Variants in EYA4 observed in about 807,000 individuals in gnomAD.
The protein encoded by EYA4 is protein phosphatase EYA4.
A neutral mutation model predicts 87.9 loss-of-function variants in EYA4; 31 were observed. The ratio of observed to expected loss-of-function variants is 0.35; its 90% confidence interval spans 0.27 to 0.48. The LOEUF (loss-of-function observed/expected upper bound fraction) is 0.48, where lower values mean the gene tolerates loss of function less well. EYA4 is among the 20% of genes least tolerant of loss of function. EYA4 has a pLI of 0.99. For synonymous variants in EYA4, 263 were observed against 270.6 expected (o/e 0.97, Z 0.28); for missense variants, 678 against 761.4 (o/e 0.89, Z 1.29).
intron 3 of EYA4, among the ~76,000 whole-genome samples, chr6:133,441,660 A>T (rs1017155082): frequency 6.6e-6 from 1 of 152,072 alleles, no homozygotes; most frequent in South Asian, 2.1e-4. Context: ...GTGGAAAAAA[A>T]TGGTTATCCA....
At chr6:133,448,391 AG>A (rs1301750330) in intron 5 of EYA4, among the ~76,000 whole-genome samples, 2 of 152,174 alleles carry the variant, frequency 1.3e-5, no homozygotes. Context: ...CAGTAGTATT[AG>A]TATTCTTTTC....
chr6:133,315,959 T>A (rs1780589167), intron 2 of EYA4, among the ~76,000 whole-genome samples: 2 of 152,200 alleles, frequency 1.3e-5, no homozygotes, highest in East Asian at 3.9e-4. Flanking sequence ...AGCAGCAAGG[T>A]CTGGCTAATG....
At chr6:133,401,270 A>G (rs887028757) in intron 3 of EYA4, among the ~76,000 whole-genome samples, 2 of 152,242 alleles carry the variant, frequency 1.3e-5, no homozygotes, top group East Asian at 1.9e-4. Context: ...GAGGGATCCA[A>G]AGATTTTGGT....
At chr6:133,244,228 C>G (rs1050756461) in intron 1 of EYA4, among the ~76,000 whole-genome samples, 2 of 152,018 alleles carry the variant, frequency 1.3e-5, no homozygotes, top group Admixed American at 6.6e-5. Context: ...ATTTAAAGAC[C>G]ATTGTAACTA....
chr6:133,516,631 G>A (rs1799622368), intron 17 of EYA4, among the ~76,000 whole-genome samples: 1 of 151,698 alleles, frequency 6.6e-6, no homozygotes, highest in Non-Finnish European at 1.5e-5. Flanking sequence ...GGCTGAGGCA[G>A]GAGAGTTGCT....
chr6:133,509,086 G>A (rs1378644418), intron 14 of EYA4, among the ~76,000 whole-genome samples: 3 of 152,104 alleles, frequency 2.0e-5, no homozygotes, highest in African/African-American at 7.2e-5. Context: ...AAACATAAAT[G>A]ATTTTTACTG....
At position 133,531,027 on chromosome 6, in the gene EYA4, T is replaced by C; in HGVS notation, c.*2222T>C. On this transcript the variant is annotated 3_prime_UTR_variant, in exon 20 of 20. Coordinates refer to ENST00000355286, the MANE Select transcript of EYA4 (RefSeq NM_004100.5). ...TATAGCTGGTTTCTTTAAATGTTGA[T>C]AGAATTGTGGCATTACATCTAAATT... The C allele has an allele frequency of 7.3e-7, 1 of 1,377,934 alleles. No homozygotes were observed. The allele number at this position is 1,377,934 out of a possible 1,614,324, so 85.4% of individuals were successfully genotyped here.
At chr6:133,287,954 C>G (rs552011020) in intron 2 of EYA4, among the ~76,000 whole-genome samples, 2 of 152,146 alleles carry the variant, frequency 1.3e-5, no homozygotes, top group African/African-American at 4.8e-5. Flanking sequence ...CATGGTGAAA[C>G]CCCATCTCTA....
In EYA4 at chr6:133,485,331, G is replaced by A. The variant is rs991822490; in HGVS notation, c.1191+2216G>A. On this transcript the variant is annotated intron_variant, in intron 13 of 19. Transcript: ENST00000355286. ...AAAAGAAGGAGAATACCAAAAGGGT[G>A]GGGCAAAGCGAGGGGAAGAAGGAAA... Among the ~76,000 whole-genome samples the A allele has an allele frequency of 2.0e-5, 3 of 152,256 alleles. 1 individual carries two copies.
chr6:133,399,506 A>C (rs942702495), intron 3 of EYA4, among the ~76,000 whole-genome samples: 1 of 152,188 alleles, frequency 6.6e-6, no homozygotes, highest in African/African-American at 2.4e-5. Context: ...CAATGAGGCT[A>C]CTTATGTTTT....
At position 133,440,402 on chromosome 6, in the gene EYA4, A is replaced by G. The variant is rs559961596; in HGVS notation, c.84-6228A>G. ...AAGGGCACTTCAGGAGTTAACAAAGATAAATGAAAAAGAATCTTGTTATCA... is the reference window on the plus strand; with the variant it reads ...AAGGGCACTTCAGGAGTTAACAAAGGTAAATGAAAAAGAATCTTGTTATCA... On this transcript the variant is annotated intron_variant, in intron 3 of 19. Coordinates refer to ENST00000355286, the MANE Select transcript of EYA4 (RefSeq NM_004100.5). Among the ~76,000 whole-genome samples the G allele has an allele frequency of 6.6e-5, 10 of 152,352 alleles. No individual in the cohort carries two copies. The South Asian group carries it at 2.1e-3, about 32-fold the overall frequency.
At chr6:133,272,782 G>A (rs1442944772) in intron 1 of EYA4, among the ~76,000 whole-genome samples, 1 of 152,180 alleles carries the variant, frequency 6.6e-6, no homozygotes, top group Non-Finnish European at 1.5e-5. Flanking sequence ...TGGACCTGTT[G>A]CAGAGCCTTC....
At chr6:133,267,863 A>G (rs1385331864) in intron 1 of EYA4, among the ~76,000 whole-genome samples, 1 of 152,148 alleles carries the variant, frequency 6.6e-6, no homozygotes, top group Non-Finnish European at 1.5e-5. Flanking sequence ...GAAAGTTAAT[A>G]CTGGGTAAAA....
intron 2 of EYA4, among the ~76,000 whole-genome samples, chr6:133,373,292 T>A (rs1583094436): frequency 6.6e-6 from 1 of 152,022 alleles, no homozygotes; most frequent in African/African-American, 2.4e-5. Context: ...GATAAATGGG[T>A]GAGTTTTTCT....
Position 133,530,250 on chromosome 6 carries a change from A to C in EYA4, c.*1445A>C, listed in dbSNP as rs1800930607. 1.0e-6 allele frequency: 1 copy of C among 985,162 alleles called. No homozygotes were observed. The allele number at this position is 985,162 out of a possible 1,614,324, so 61.0% of individuals were successfully genotyped here. Reference sequence around the variant, plus strand: ...CAGGTTCTCCTCGTAACAGACTTGCATATGTTTGTTAGTTTCTGCCTGTAT... The same window carrying C: ...CAGGTTCTCCTCGTAACAGACTTGCCTATGTTTGTTAGTTTCTGCCTGTAT... On this transcript the variant is annotated 3_prime_UTR_variant, in exon 20 of 20. Coordinates refer to ENST00000355286, the MANE Select transcript of EYA4 (RefSeq NM_004100.5).
chr6:133,368,292 G>A lies in EYA4; in HGVS notation c.34-14100G>A, dbSNP rs1020340968. Among the ~76,000 whole-genome samples the A allele has an allele frequency of 3.3e-5, 5 of 152,024 alleles. No individual in the cohort carries two copies. The South Asian group carries it at 6.2e-4, about 19-fold the overall frequency. ...TTGTTTGTTGTTCCTACCTCGCCCC[G>A]CTTTAAGATTAGGGAAGAAAATTAC... is the stretch of plus-strand genomic sequence containing the variant. On this transcript the variant is annotated intron_variant, in intron 2 of 19. Transcript: ENST00000355286.
At chr6:133,384,498 A>G (rs1204528684) in intron 3 of EYA4, among the ~76,000 whole-genome samples, 1 of 152,196 alleles carries the variant, frequency 6.6e-6, no homozygotes, top group Non-Finnish European at 1.5e-5. Flanking sequence ...TAAGAACTTC[A>G]TAACTTTGTG....
chr6:133,242,189 C>T (rs1774005811), intron 1 of EYA4, among the ~76,000 whole-genome samples: 1 of 152,190 alleles, frequency 6.6e-6, no homozygotes, highest in South Asian at 2.1e-4. Flanking sequence ...CTGATGACCC[C>T]CTAGATGGTC....
chr6:133,420,478 T>C (rs1328265485), intron 3 of EYA4, among the ~76,000 whole-genome samples: 1 of 152,226 alleles, frequency 6.6e-6, no homozygotes, highest in African/African-American at 2.4e-5. Context: ...TCTGGTTTCA[T>C]ACATGAAAGC....
Sources: allele counts gnomAD v4.1 joint callset (sites outside exome capture counted in the v4.1 genomes callset), GRCh38; gene constraint gnomAD v4.1.1; transcripts MANE v1.5; gene names NCBI Gene and HGNC (gene_info 2026-07-23, HGNC 2026-07-21).